RAPGEF2: variants seen among roughly 807,000 people sequenced by gnomAD.
RAPGEF2 encodes the protein Rap guanine nucleotide exchange factor 2.
RAPGEF2 carries 54 observed loss-of-function variants against 186.7 expected under a neutral mutation model. The observed-to-expected ratio is 0.29, with a 90% CI of 0.23 to 0.36. RAPGEF2 has a LOEUF of 0.36. RAPGEF2 is among the 10% of genes least tolerant of loss of function. The pLI is 1.00. For missense variants in RAPGEF2, 1,532 were observed against 2,045.0 expected (o/e 0.75, Z 4.84); for synonymous variants, 712 against 705.9 (o/e 1.01, Z -0.14).
At chr4:159,314,842 G>T (rs893357385) in intron 9 of RAPGEF2, 74 bp downstream of exon 9, 1 of 1,336,080 alleles carries the variant, frequency 7.5e-7, no homozygotes, top group Non-Finnish European at 1.0e-6. Flanking sequence ...ATGAAATAGA[G>T]CCCAAGACTA....
intron 1 of RAPGEF2, among the ~76,000 whole-genome samples, chr4:159,181,984 T>A (rs1036075701): frequency 6.6e-6 from 1 of 152,218 alleles, no homozygotes; most frequent in Non-Finnish European, 1.5e-5. Context: ...TTTCCTTGAA[T>A]GCAAATAGAA....
chr4:159,228,159 G>A (rs1752231783), intron 4 of RAPGEF2: 1 of 152,318 alleles, frequency 6.6e-6, no homozygotes, highest in Non-Finnish European at 1.5e-5. Flanking sequence ...GCCAGGAGAG[G>A]TGGGTGGGTC....
chr4:159,327,974 T>C (rs1766166977), intron 11 of RAPGEF2: 1 of 152,108 alleles, frequency 6.6e-6, no homozygotes, highest in African/African-American at 2.4e-5. Flanking sequence ...AAAAAGTCTG[T>C]AGTCAAGATT....
In RAPGEF2 at chr4:159,334,862, A is replaced by G. The variant is rs76476672; in HGVS notation, c.2135+2165A>G. 3.9e-3 allele frequency among the ~76,000 whole-genome samples: 590 copies of G among 152,314 alleles called. 5 individuals carry two copies. The highest frequency in any genetic ancestry group is 0.014 in the African/African-American group (573 of 41,574). On this transcript the variant is annotated intron_variant, in intron 17 of 29. Coordinates refer to ENST00000691494, the MANE Select transcript of RAPGEF2 (RefSeq NM_001394067.2). Reference sequence around the variant, plus strand: ...TGAGGAAACATCTTAAATAATTTGTATTTAGGAAAATATATGGCTCATTTA... The same window carrying G: ...TGAGGAAACATCTTAAATAATTTGTGTTTAGGAAAATATATGGCTCATTTA...
At chr4:159,252,957 A>C (rs1228349730) in intron 7 of RAPGEF2, among the ~76,000 whole-genome samples, 1 of 152,254 alleles carries the variant, frequency 6.6e-6, no homozygotes, top group African/African-American at 2.4e-5. Flanking sequence ...TTTAAGGGGA[A>C]ATATAAAACA....
intron 13 of RAPGEF2, 123 bp from the exon 14 acceptor site, chr4:159,331,308 A>G: frequency 1.7e-6 from 1 of 594,726 alleles, no homozygotes; most frequent in Non-Finnish European, 2.9e-6. Context: ...ATTATTGTTA[A>G]TTTATTTTCC....
At chr4:159,324,285 C>T (rs962566067) in intron 11 of RAPGEF2, among the ~76,000 whole-genome samples, 2 of 152,142 alleles carry the variant, frequency 1.3e-5, no homozygotes, top group African/African-American at 4.8e-5. Context: ...ACCTCAGCCT[C>T]CCAAAGTGCT....
intron 4 of RAPGEF2, among the ~76,000 whole-genome samples, chr4:159,221,891 G>A (rs1751578357): frequency 6.6e-6 from 1 of 152,154 alleles, no homozygotes; most frequent in Admixed American, 6.5e-5. Context: ...TTCAACTAGA[G>A]TTGATGATAT....
At chr4:159,301,993 A>G (rs769023866) in intron 7 of RAPGEF2, among the ~76,000 whole-genome samples, 15 of 152,250 alleles carry the variant, frequency 9.9e-5, no homozygotes, top group Non-Finnish European at 2.1e-4. Context: ...AGCAGAGTGT[A>G]TGACATGGCA....
At chr4:159,262,662 G>A (rs1757004195) in intron 7 of RAPGEF2, among the ~76,000 whole-genome samples, 1 of 152,132 alleles carries the variant, frequency 6.6e-6, no homozygotes, top group Non-Finnish European at 1.5e-5. Flanking sequence ...TTTTCTGCAT[G>A]TCTCCATCTC....
intron 4 of RAPGEF2, among the ~76,000 whole-genome samples, chr4:159,216,279 C>T (rs1579488740): frequency 1.3e-5 from 2 of 152,170 alleles, no homozygotes; most frequent in Admixed American, 6.5e-5. Flanking sequence ...GAAAAAATTC[C>T]CTGAGTGTCA....
At chr4:159,327,072 G>A (rs1766024323) in intron 11 of RAPGEF2, 1 of 152,212 alleles carries the variant, frequency 6.6e-6, no homozygotes. Flanking sequence ...GTAAGAAACA[G>A]TTTTGGATGA....
At chr4:159,270,166 C>A (rs1422144986) in intron 7 of RAPGEF2, among the ~76,000 whole-genome samples, 6 of 152,210 alleles carry the variant, frequency 3.9e-5, no homozygotes, top group African/African-American at 1.4e-4. Flanking sequence ...ATGTCACATG[C>A]AGCAGAGTTG....
intron 7 of RAPGEF2, among the ~76,000 whole-genome samples, chr4:159,290,721 A>G (rs1761088083): frequency 6.6e-6 from 1 of 151,972 alleles, no homozygotes; most frequent in Admixed American, 6.5e-5. Context: ...AGTCATTCAG[A>G]CTATTCATTT....
chr4:159,181,123 A>C (rs1286763761), intron 1 of RAPGEF2, among the ~76,000 whole-genome samples: 1 of 152,216 alleles, frequency 6.6e-6, no homozygotes, highest in African/African-American at 2.4e-5. Context: ...CGTAATGTTG[A>C]AAAGCAACAG....
rs559184402 is a variant in RAPGEF2 at position 159,326,147 on chromosome 4, G to T, written c.1149+2530G>T. Among the ~76,000 whole-genome samples, 12 of 152,230 alleles carry T rather than the reference G, an allele frequency of 7.9e-5. No homozygotes were observed. The South Asian group carries it at 2.5e-3, about 32-fold the overall frequency. ...TATCCCTAAGGAATTCCTTAAACAGGGATGGAGAATGAATTTTGGCATTTT... is the reference window on the plus strand; with the variant it reads ...TATCCCTAAGGAATTCCTTAAACAGTGATGGAGAATGAATTTTGGCATTTT... On this transcript the variant is annotated intron_variant, in intron 11 of 29. Coordinates refer to ENST00000691494, the MANE Select transcript of RAPGEF2 (RefSeq NM_001394067.2).
chr4:159,287,620 A>G (rs1211766592), intron 7 of RAPGEF2, among the ~76,000 whole-genome samples: 1 of 152,148 alleles, frequency 6.6e-6, no homozygotes, highest in African/African-American at 2.4e-5. Context: ...TGAAGTAAAA[A>G]TATGTTAATT....
At chr4:159,194,022 A>G (rs1051680796) in intron 3 of RAPGEF2, among the ~76,000 whole-genome samples, 2 of 152,244 alleles carry the variant, frequency 1.3e-5, no homozygotes, top group African/African-American at 4.8e-5. Flanking sequence ...AAGCAAAATA[A>G]TTGTGAGAAT....
intron 1 of RAPGEF2, among the ~76,000 whole-genome samples, chr4:159,131,723 C>G (rs1028825309): frequency 8.6e-5 from 13 of 151,368 alleles, no homozygotes; most frequent in African/African-American, 3.2e-4. Flanking sequence ...GGAAAGTTAT[C>G]GGGTTTTCTC....
Sources: allele counts gnomAD v4.1 joint callset (sites outside exome capture counted in the v4.1 genomes callset), GRCh38; gene constraint gnomAD v4.1.1; transcripts MANE v1.5; gene names NCBI Gene and HGNC (gene_info 2026-07-23, HGNC 2026-07-21).